CRB1: variants seen among roughly 807,000 people sequenced by gnomAD.
CRB1 encodes protein crumbs homolog 1.
CRB1 carries 83 observed loss-of-function variants against 120.0 expected under a neutral mutation model. The observed-to-expected ratio is 0.69, with a 90% CI of 0.58 to 0.83. The LOEUF (loss-of-function observed/expected upper bound fraction) is 0.83. Ranked by LOEUF, CRB1 falls within the 40% of genes least tolerant of loss-of-function variation. The pLI is 0.00. For missense variants in CRB1, 1,699 were observed against 1,687.6 expected (o/e 1.01, Z -0.12); for synonymous variants, 625 against 612.5 (o/e 1.02, Z -0.30).
At chr1:197,354,565 A>ACGTCTGGC (rs1176483525) in intron 4 of CRB1, among the ~76,000 whole-genome samples, 1 of 151,960 alleles carries the variant, frequency 6.6e-6, no homozygotes, top group Non-Finnish European at 1.5e-5. Flanking sequence ...TTAAGATGGC[A>ACGTCTGGC]CGTCTGGCCG....
chr1:197,392,083 G>A (rs573672432), intron 5 of CRB1, among the ~76,000 whole-genome samples: 1 of 152,056 alleles, frequency 6.6e-6, no homozygotes, highest in South Asian at 2.1e-4. Flanking sequence ...TAAATCCTAG[G>A]GAAAAGGGGA....
intron 10 of CRB1, chr1:197,438,903 T>TA (rs1325487366): frequency 2.2e-6 from 1 of 447,034 alleles, no homozygotes; most frequent in Non-Finnish European, 4.1e-6. Flanking sequence ...AAATGATTTT[T>TA]AAAAAATGTA....
the CRB1 span, among the ~76,000 whole-genome samples, chr1:197,262,756 A>G: frequency 2.0e-5 from 3 of 152,062 alleles, no homozygotes; most frequent in Non-Finnish European, 4.4e-5. Context: ...TTTAGCTCCC[A>G]CTTATAAGTA....
intron 9 of CRB1, 81 bp downstream of exon 9, chr1:197,435,693 C>T: frequency 1.6e-6 from 2 of 1,259,328 alleles, no homozygotes; most frequent in Non-Finnish European, 2.3e-6. Flanking sequence ...AAAGCTCTCT[C>T]CTCAAGGTAT....
chr1:197,447,013 AT>A (rs1457554583), intron 11 of CRB1, among the ~76,000 whole-genome samples: 1 of 152,188 alleles, frequency 6.6e-6, no homozygotes, highest in Non-Finnish European at 1.5e-5. Flanking sequence ...TGTATTATTT[AT>A]TTATTGTTCT....
At chr1:197,229,140 C>T in the CRB1 span, among the ~76,000 whole-genome samples, 3 of 152,256 alleles carry the variant, frequency 2.0e-5, no homozygotes, top group African/African-American at 7.2e-5. Context: ...TGATCTTGGA[C>T]TTCCAGCCTC....
At chr1:197,389,908 C>T (rs1490131752) in intron 5 of CRB1, among the ~76,000 whole-genome samples, 1 of 152,050 alleles carries the variant, frequency 6.6e-6, no homozygotes, top group Non-Finnish European at 1.5e-5. Context: ...AACTCCCTGC[C>T]ACCCTGCTGC....
intron 1 of CRB1, among the ~76,000 whole-genome samples, chr1:197,297,951 G>A (rs1273303981): frequency 2.0e-5 from 3 of 152,104 alleles, no homozygotes; most frequent in African/African-American, 7.2e-5. Context: ...GGTGAGGACA[G>A]TAGCCAGATG....
chr1:197,323,499 A>G (rs1250526058), intron 1 of CRB1, among the ~76,000 whole-genome samples: 1 of 152,292 alleles, frequency 6.6e-6, no homozygotes, highest in East Asian at 1.9e-4. Flanking sequence ...TGTCTATTCC[A>G]TAGTAAAAGG....
chr1:197,343,152 A>C (rs1338902612), intron 2 of CRB1, among the ~76,000 whole-genome samples: 2 of 152,210 alleles, frequency 1.3e-5, no homozygotes, highest in Non-Finnish European at 2.9e-5. Context: ...TGGTGTTAGA[A>C]TATCCTGCTG....
intron 11 of CRB1, among the ~76,000 whole-genome samples, chr1:197,464,262 G>T (rs553615081): frequency 3.9e-5 from 6 of 152,212 alleles, no homozygotes; most frequent in African/African-American, 1.4e-4. Flanking sequence ...TGTTTAATCT[G>T]TGCTGTACAA....
intron 4 of CRB1, among the ~76,000 whole-genome samples, chr1:197,354,825 ACCCC>A (rs1558076296): frequency 1.4e-4 from 2 of 14,212 alleles, no homozygotes; most frequent in African/African-American, 2.9e-4. Context: ...CCGCCCCCCC[ACCCC>A]CCCCCCCCGC....
chr1:197,436,197 AT>A (rs541454254), intron 9 of CRB1, among the ~76,000 whole-genome samples: 369 of 152,232 alleles, frequency 2.4e-3, no homozygotes, highest in Middle Eastern at 0.01. Flanking sequence ...ATTAACACAT[AT>A]TTTGTATGTC....
intron 4 of CRB1, among the ~76,000 whole-genome samples, chr1:197,348,394 G>A (rs1403602895): frequency 6.6e-6 from 1 of 151,876 alleles, no homozygotes; most frequent in Non-Finnish European, 1.5e-5. Flanking sequence ...GTGTGTGCTT[G>A]GTTCTTAATT....
At position 197,434,696 on chromosome 1, in the gene CRB1, C is replaced by T. The variant is rs535242318; in HGVS notation, c.2843-10C>T. 3.0e-5 allele frequency: 49 copies of T among 1,607,508 alleles called. 1 individual carries two copies. In the Middle Eastern group the frequency reaches 5.0e-4, roughly 16 times the overall value. Reference sequence around the variant, plus strand: ...TAAAGTTATTGATTATTATCACCTTCTCTCATTAGGTATTGCAAATGCTGT... The same window carrying T: ...TAAAGTTATTGATTATTATCACCTTTTCTCATTAGGTATTGCAAATGCTGT... On this transcript the variant is annotated splice_polypyrimidine_tract_variant and intron_variant, in intron 8 of 11. Transcript: ENST00000367400.
chr1:197,385,180 C>G (rs947194624), intron 5 of CRB1, among the ~76,000 whole-genome samples: 2 of 152,184 alleles, frequency 1.3e-5, no homozygotes, highest in African/African-American at 4.8e-5. Flanking sequence ...ACCCTTGAGA[C>G]AAACCTGCTA....
chr1:197,404,053 G>T (rs1244713359), intron 5 of CRB1, among the ~76,000 whole-genome samples: 1 of 152,190 alleles, frequency 6.6e-6, no homozygotes, highest in African/African-American at 2.4e-5. Context: ...TATCTTCTCT[G>T]TCACTTGTAA....
chr1:197,236,134 G>A, the CRB1 span, among the ~76,000 whole-genome samples: 1 of 151,434 alleles, frequency 6.6e-6, no homozygotes, highest in Non-Finnish European at 1.5e-5. Context: ...ATATTGTGGG[G>A]TGAACTTGAG....
chr1:197,464,601 G>C (rs1259499593), intron 11 of CRB1, among the ~76,000 whole-genome samples: 1 of 151,874 alleles, frequency 6.6e-6, no homozygotes, highest in Admixed American at 6.6e-5. Context: ...ATGTCTCCTT[G>C]GGAGTTAAAA....
Sources: allele counts gnomAD v4.1 joint callset (sites outside exome capture counted in the v4.1 genomes callset), GRCh38; gene constraint gnomAD v4.1.1; transcripts MANE v1.5; gene names NCBI Gene and HGNC (gene_info 2026-07-23, HGNC 2026-07-21).